Variants in TRIM5 observed in about 807,000 individuals in gnomAD.
The protein encoded by TRIM5 is tripartite motif containing 5, also known as tripartite motif-containing protein 5.
In TRIM5, 31 loss-of-function variants were observed where a neutral mutation model predicts 35.6. The ratio of observed to expected loss-of-function variants is 0.87; its 90% CI spans 0.65 to 1.18. The LOEUF (loss-of-function observed/expected upper bound fraction) is 1.18, where lower values mean the gene tolerates loss of function less well. Ranked by LOEUF, TRIM5 falls within the 50% of genes most tolerant of loss-of-function variation. TRIM5 has a pLI of 0.00. For synonymous variants in TRIM5, 243 were observed against 215.6 expected (o/e 1.13, Z -1.11); for missense variants, 609 against 591.6 (o/e 1.03, Z -0.31).
the TRIM5 span, among the ~76,000 whole-genome samples, chr11:5,622,928 G>A: frequency 6.6e-6 from 1 of 152,204 alleles, no homozygotes; most frequent in African/African-American, 2.4e-5. Context: ...TGAGGGAGAT[G>A]TGAGACATCA....
At chr11:5,595,605 C>T in the TRIM5 span, among the ~76,000 whole-genome samples, 1 of 152,144 alleles carries the variant, frequency 6.6e-6, no homozygotes, top group Non-Finnish European at 1.5e-5. Flanking sequence ...TAGAAAGCTA[C>T]AGTACACTGC....
chr11:5,644,513 C>A, the TRIM5 span: 1 of 354,082 alleles, frequency 2.8e-6, no homozygotes, highest in Non-Finnish European at 5.0e-6. Flanking sequence ...AAGACCACTC[C>A]AATTTTAGTT....
chr11:5,681,206 T>G (rs1852419088), intron 1 of TRIM5, among the ~76,000 whole-genome samples: 1 of 152,130 alleles, frequency 6.6e-6, no homozygotes, highest in Non-Finnish European at 1.5e-5. Context: ...TCTCAAAATA[T>G]TAGATGAGAT....
the TRIM5 span, among the ~76,000 whole-genome samples, chr11:5,596,402 CAAGCTGA>C: frequency 1.6e-3 from 1 of 632 alleles, no homozygotes; most frequent in African/African-American, 2.0e-3. Flanking sequence ...CTCTATTCTA[CAAGCTGA>C]AGTATGTAGA....
At chr11:5,597,645 A>C in the TRIM5 span, among the ~76,000 whole-genome samples, 1 of 152,110 alleles carries the variant, frequency 6.6e-6, no homozygotes, top group East Asian at 1.9e-4. Context: ...CAGCTGGTGG[A>C]CGGGCCCGCT....
chr11:5,639,625 A>T, the TRIM5 span, among the ~76,000 whole-genome samples: 1 of 138,732 alleles, frequency 7.2e-6, no homozygotes, highest in Non-Finnish European at 1.5e-5. Flanking sequence ...GGTTGCAGCG[A>T]GCCAAGTTCG....
Position 5,665,331 on chromosome 11 carries a change from C to G in TRIM5, c.960G>C (p.Val320=). ...ATATTATCTGTGGTTTCGGAGAGCT[C>G]ACTTGTCTCTTATCTTCAGAAATGA... is the stretch of plus-strand genomic sequence containing the variant. ...CAVISEDKRQ[V]SSPKPQIIYG... Residue 320 remains valine, a synonymous_variant, in exon 8 of 8, where the codon GTG becomes GTC. Transcript: ENST00000380034. 6.2e-7 allele frequency: 1 copy of G among 1,613,922 alleles called. No homozygotes were observed. Among genetic ancestry groups the G allele is most frequent in the Middle Eastern group, 1.7e-4 (1 of 6,060 alleles).
At chr11:5,616,791 G>A in the TRIM5 span, among the ~76,000 whole-genome samples, 4 of 140,174 alleles carry the variant, frequency 2.9e-5, 1 homozygote, top group Non-Finnish European at 4.7e-5. Flanking sequence ...CCATGCTGGA[G>A]TGCAGTGGCA....
At chr11:5,620,349 T>C in the TRIM5 span, among the ~76,000 whole-genome samples, 1 of 151,678 alleles carries the variant, frequency 6.6e-6, no homozygotes, top group African/African-American at 2.4e-5. Context: ...AGCTAAGCTT[T>C]TGTATTTTTA....
chr11:5,645,225 C>T, the TRIM5 span, among the ~76,000 whole-genome samples: 18,875 of 151,864 alleles, frequency 0.12, 1,542 homozygotes, highest in East Asian at 0.38. Flanking sequence ...AACCCTGTCT[C>T]TACTAAAAAT....
chr11:5,601,338 A>G, the TRIM5 span, among the ~76,000 whole-genome samples: 1 of 152,214 alleles, frequency 6.6e-6, no homozygotes, highest in Admixed American at 6.5e-5. Flanking sequence ...AAGTCACTTA[A>G]TGTCTCTTCT....
At chr11:5,643,065 A>G in the TRIM5 span, 7 of 1,283,240 alleles carry the variant, frequency 5.5e-6, no homozygotes, top group African/African-American at 1.5e-5. Flanking sequence ...AACCTACTCC[A>G]TATCTGTCAC....
Position 5,680,091 on chromosome 11 carries a change from G to A in TRIM5, c.87C>T (p.Asp29=), listed in dbSNP as rs1590277325. Residue 29 remains aspartate (D), a synonymous_variant, in exon 2 of 8, where the codon GAC becomes GAT. Transcript: ENST00000380034. ...ATGCTTGGCAGAAGCTGTGGCCGCA[G>A]TCCAGGCTCAGGGGTTGTGTCAGGA... ...LELLTQPLSL[D]CGHSFCQACL... is the part of the protein sequence containing the mutation. The A allele has an allele frequency of 6.2e-7, 1 of 1,614,022 alleles. No individual in the cohort carries two copies. The highest frequency in any genetic ancestry group is 1.3e-5 in the African/African-American group (1 of 74,914).
At chr11:5,645,965 G>A in the TRIM5 span, 1 of 123,444 alleles carries the variant, frequency 8.1e-6, no homozygotes, top group Non-Finnish European at 1.5e-5. Context: ...ATATTAATAT[G>A]TGTATGTATT....
the TRIM5 span, chr11:5,610,864 T>G: frequency 6.2e-7 from 1 of 1,614,188 alleles, no homozygotes; most frequent in Non-Finnish European, 8.5e-7. Context: ...GGAGCTAAAG[T>G]ATCTGGACCT....
chr11:5,678,989 G>T, intron 3 of TRIM5, 85 bp downstream of exon 3: 4 of 1,107,980 alleles, frequency 3.6e-6, no homozygotes, highest in Non-Finnish European at 5.5e-6. Context: ...CTTATCAAAT[G>T]TCAGGGAATA....
At chr11:5,680,349 A>C (rs939307774) in intron 1 of TRIM5, 111 bp from the exon 2 acceptor site, 2 of 643,490 alleles carry the variant, frequency 3.1e-6, no homozygotes, top group Non-Finnish European at 2.4e-6. Flanking sequence ...TAAGGACAAA[A>C]AAAGGGGAGA....
the TRIM5 span, among the ~76,000 whole-genome samples, chr11:5,640,520 T>C: frequency 2.0e-3 from 311 of 152,266 alleles, 3 homozygotes; most frequent in Non-Finnish European, 2.2e-3. Flanking sequence ...TTTTGCTGGA[T>C]TGCCAGATTT....
Position 5,679,884 on chromosome 11 carries a change from A to G in TRIM5, c.294T>C (p.His98=), listed in dbSNP as rs376033449. The change falls in exon 2 of 8, where the codon CAT becomes CAC. Residue 98 remains histidine, a synonymous_variant. Coordinates refer to ENST00000380034, the MANE Select transcript of TRIM5 (RefSeq NM_033034.3). ...EGQKVDHCAR[H]GEKLLLFCQE... ...GACAGAAGAGTAGAAGTTTCTCTCCATGGCGTGCACAATGATCAACTTTCT... is the reference window on the plus strand; with the variant it reads ...GACAGAAGAGTAGAAGTTTCTCTCCGTGGCGTGCACAATGATCAACTTTCT... 1 of 1,613,972 alleles carries G rather than the reference A, an allele frequency of 6.2e-7. No homozygotes were observed. The highest frequency in any genetic ancestry group is 8.5e-7 in the Non-Finnish European group (1 of 1,180,010).
Sources: allele counts gnomAD v4.1 joint callset (sites outside exome capture counted in the v4.1 genomes callset), GRCh38; gene constraint gnomAD v4.1.1; transcripts MANE v1.5; gene names NCBI Gene and HGNC (gene_info 2026-07-23, HGNC 2026-07-21).